The following FBXL15 variants were observed in gnomAD, a reference collection of about 807,000 sequenced individuals.
The protein encoded by FBXL15 is F-box and leucine rich repeat protein 15, also known as F-box/LRR-repeat protein 15.
A neutral mutation model predicts 23.6 loss-of-function variants in FBXL15; 19 were observed. The observed-to-expected ratio is 0.81, with a 90% CI of 0.56 to 1.18. The LOEUF (loss-of-function observed/expected upper bound fraction) is 1.18, where lower values mean the gene tolerates loss of function less well. Ranked by LOEUF, FBXL15 falls within the 50% of genes most tolerant of loss-of-function variation. FBXL15 has a pLI of 0.00. For missense variants in FBXL15, 385 were observed against 425.4 expected (o/e 0.91, Z 0.83); for synonymous variants, 224 against 207.7 (o/e 1.08, Z -0.67).
Position 102,421,469 on chromosome 10 carries a change from C to CTTCA in FBXL15, c.170_173dup (p.Leu59SerfsTer94). ...CCGGGCCTTCCGGTCGCTGGTGCAG[C>CTTCA]TTCACCTGGCCGGGCTGCGTCGCTT... On this transcript the variant is annotated frameshift_variant, in exon 2 of 4. Transcript: ENST00000369956. LOFTEE classifies it high-confidence loss of function. 1 of 1,510,916 alleles carries CTTCA rather than the reference C, an allele frequency of 6.6e-7. No homozygotes were observed. The highest frequency in any genetic ancestry group is 8.8e-7 in the Non-Finnish European group (1 of 1,132,896). 93.6% of individuals were successfully genotyped at this position (1,510,916 alleles called of 1,614,324 possible). A position where few individuals can be genotyped will look rare whatever the true frequency, so the allele number is the denominator to read the frequency against.
In FBXL15 at chr10:102,421,105, A is replaced by G. The variant is rs780368024; in HGVS notation, c.-25A>G. 17 of 1,599,770 alleles carry G rather than the reference A, an allele frequency of 1.1e-5. No individual in the cohort carries two copies. Among genetic ancestry groups the G allele is most frequent in the Non-Finnish European group, 1.7e-6 (2 of 1,173,030 alleles). ...TCCAAGGCCAAAGCGAGAAAATCTT[A>G]CTGCGCACGCGCAATAGACAGCCGA... On this transcript the variant is annotated 5_prime_UTR_variant, in exon 1 of 4. Coordinates refer to ENST00000369956, the MANE Select transcript of FBXL15 (RefSeq NM_024326.4).
chr10:102,421,361 G>A lies in FBXL15; in HGVS notation c.61G>A (p.Asp21Asn), dbSNP rs2061560341. The part of the protein sequence containing the change: ...EQEPGAVRFL[D>N]LPWEDVLLPH... The stretch of plus-strand genomic sequence containing the variant: ...ACGCCCCTTTACTCGCAGGTTCCTG[G>A]ACCTGCCCTGGGAAGACGTGCTGCT... The change falls in exon 2 of 4, where the codon GAC (aspartate) becomes AAC (asparagine). Residue 21 changes from aspartate to asparagine, a missense_variant. Physicochemically the swap from Asp to Asn is conservative, Grantham distance 23. This residue lies in a region of FBXL15 where 130 missense variants were observed against 95.1 expected (regional missense o/e 1.37). Transcript: ENST00000369956. The A allele has an allele frequency of 6.4e-7, 1 of 1,558,098 alleles. No homozygotes were observed. The highest frequency in any genetic ancestry group is 8.7e-7 in the Non-Finnish European group (1 of 1,152,310).
In FBXL15 at chr10:102,420,990, A is replaced by T. The variant is rs2061551312; in HGVS notation, c.-140A>T. 6.5e-7 allele frequency: 1 copy of T among 1,535,334 alleles called. No homozygotes were observed. The highest frequency in any genetic ancestry group is 2.5e-5 in the East Asian group (1 of 40,692). On this transcript the variant is annotated 5_prime_UTR_variant, in exon 1 of 4. Transcript: ENST00000369956. Reference sequence around the variant, plus strand: ...CCGCCTCCGTTTCGGGGTCCACCCGAAAAGCTTTCAGATCGGATCCTCGGT... The same window carrying T: ...CCGCCTCCGTTTCGGGGTCCACCCGTAAAGCTTTCAGATCGGATCCTCGGT...
Position 102,423,078 on chromosome 10 carries a change from G to A in FBXL15, c.*85G>A. On this transcript the variant is annotated 3_prime_UTR_variant, in exon 4 of 4. Transcript: ENST00000369956. The surrounding 1 kb of genome is among the most constrained non-coding windows in gnomAD (Gnocchi z 5.6). Reference sequence around the variant, plus strand: ...GGGAAACTGAACTGTGAGGACCTCTGGTGAGAGGCCAGTGCCCTGCCCCAC... The same window carrying A: ...GGGAAACTGAACTGTGAGGACCTCTAGTGAGAGGCCAGTGCCCTGCCCCAC... The A allele has an allele frequency of 7.3e-7, 1 of 1,374,176 alleles. No individual in the cohort carries two copies. The highest frequency in any genetic ancestry group is 9.8e-7 in the Non-Finnish European group (1 of 1,024,868). The allele number at this position is 1,374,176 out of a possible 1,614,324, so 85.1% of individuals were successfully genotyped here.
chr10:102,422,362 T>C, intron 3 of FBXL15, 70 bp downstream of exon 3: 5 of 1,421,164 alleles, frequency 3.5e-6, no homozygotes, highest in Non-Finnish European at 4.6e-6. Flanking sequence ...GGGCTGTAGT[T>C]GTTAAAAGGC....
At chr10:102,422,365 T>G in intron 3 of FBXL15, 73 bp downstream of exon 3, 2 of 1,412,026 alleles carry the variant, frequency 1.4e-6, no homozygotes, top group Non-Finnish European at 1.8e-6. Context: ...CTGTAGTTGT[T>G]AAAAGGCCGG....
In FBXL15 at chr10:102,421,374, A is replaced by G; in HGVS notation, c.74A>G (p.Glu25Gly). Residue 25 changes from glutamate (E) to glycine (G), a missense_variant, in exon 2 of 4, where the codon GAA (glutamate) becomes GGA (glycine). By Grantham distance (98) the Glu-to-Gly change is moderately conservative. This residue lies in a region of FBXL15 where 130 missense variants were observed against 95.1 expected (regional missense o/e 1.37). Transcript: ENST00000369956. ...GAVRFLDLPW[E>G]DVLLPHVLNR... ...CGCAGGTTCCTGGACCTGCCCTGGGAAGACGTGCTGCTCCCACACGTCCTG... is the reference window on the plus strand; with the variant it reads ...CGCAGGTTCCTGGACCTGCCCTGGGGAGACGTGCTGCTCCCACACGTCCTG... The G allele has an allele frequency of 6.4e-7, 1 of 1,563,128 alleles. No individual in the cohort carries two copies. Among genetic ancestry groups the G allele is most frequent in the Non-Finnish European group, 8.7e-7 (1 of 1,154,170 alleles).
chr10:102,422,928 C>G lies in FBXL15; in HGVS notation c.838C>G (p.His280Asp). Residue 280 changes from histidine to aspartate, a missense_variant, in exon 4 of 4, where the codon CAC (histidine) becomes GAC (aspartate). Transcript: ENST00000369956. ...GGACATCGACGTGGAGCCGCCGCTGCACCAGGCCCTGGTGCTGCTGCAGGA... is the reference window on the plus strand; with the variant it reads ...GGACATCGACGTGGAGCCGCCGCTGGACCAGGCCCTGGTGCTGCTGCAGGA... ...GVDIDVEPPL[H>D]QALVLLQDMA... is the part of the protein sequence containing the mutation. 1.9e-6 allele frequency: 3 copies of G among 1,608,048 alleles called. No homozygotes were observed. The highest frequency in any genetic ancestry group is 2.5e-6 in the Non-Finnish European group (3 of 1,177,616).
chr10:102,422,665 G>T, intron 3 of FBXL15, 139 bp from the exon 4 acceptor site: 1 of 918,514 alleles, frequency 1.1e-6, no homozygotes, highest in Non-Finnish European at 1.6e-6. Flanking sequence ...GACGGAAAAA[G>T]TATGCCCCTG....
chr10:102,422,265 G>A lies in FBXL15; in HGVS notation c.686G>A (p.Cys229Tyr). ...CTCCACCACCTTGACCTCACCGGCT[G>A]CCTCCGCGTCGGAAGCGACGGTGTC... is the stretch of plus-strand genomic sequence containing the variant. ...PELHHLDLTG[C>Y]LRVGSDGVRT... Residue 229 changes from cysteine to tyrosine, a missense_variant, in exon 3 of 4, where the codon TGC becomes TAC. Cys to Tyr is a radical substitution (Grantham distance 194, BLOSUM62 -2). Around this residue, in one of 2 missense-constraint regions of FBXL15, gnomAD observed 255 missense variants for 330.2 expected, o/e 0.77. Transcript: ENST00000369956. The A allele has an allele frequency of 6.7e-7, 1 of 1,495,118 alleles. No homozygotes were observed. The highest frequency in any genetic ancestry group is 8.9e-7 in the Non-Finnish European group (1 of 1,123,088). 92.6% of individuals were successfully genotyped at this position (1,495,118 alleles called of 1,614,324 possible).
intron 3 of FBXL15, 138 bp downstream of exon 3, chr10:102,422,430 G>A (rs756306179): frequency 3.3e-5 from 38 of 1,144,988 alleles, no homozygotes; most frequent in African/African-American, 4.9e-5. Flanking sequence ...TGAACAGAAA[G>A]GGCCTCTAGG....
Position 102,421,516 on chromosome 10 carries a change from G to C in FBXL15, c.207+9G>C. ...GCTTCGATGCCGCGCAGGTGAGCCG[G>C]GGGCTGAAGCCCCGCCCCTGCCTGG... On this transcript the variant is annotated intron_variant, in intron 2 of 3. Transcript: ENST00000369956. 1 of 1,456,296 alleles carries C rather than the reference G, an allele frequency of 6.9e-7. No homozygotes were observed. Among genetic ancestry groups the C allele is most frequent in the Non-Finnish European group, 9.0e-7 (1 of 1,106,998 alleles). 90.2% of individuals were successfully genotyped at this position (1,456,296 alleles called of 1,614,324 possible). A position where few individuals can be genotyped will look rare whatever the true frequency, so the allele number is the denominator to read the frequency against.
rs775269868 is a variant in FBXL15 at position 102,421,140 on chromosome 10, C to T, written c.11C>T (p.Pro4Leu). The change falls in exon 1 of 4, where the codon CCG becomes CTG. Residue 4 changes from proline to leucine, a missense_variant. Pro to Leu is a moderately conservative substitution (Grantham distance 98). This residue lies in a region of FBXL15 where 130 missense variants were observed against 95.1 expected (regional missense o/e 1.37). Transcript: ENST00000369956. MEP[P>L]MEPSGGEQEP... ...CGCAATAGACAGCCGATGGAGCCAC[C>T]GATGGAGCCGTCCGGAGGGGAGCAA... 10 of 1,610,832 alleles carry T rather than the reference C, an allele frequency of 6.2e-6. No homozygotes were observed. The highest frequency in any genetic ancestry group is 1.3e-5 in the African/African-American group (1 of 75,014).
intron 3 of FBXL15, 130 bp downstream of exon 3, chr10:102,422,422 A>T: frequency 3.4e-6 from 4 of 1,170,596 alleles, no homozygotes; most frequent in Non-Finnish European, 4.5e-6. Flanking sequence ...CCCCATTCTG[A>T]ACAGAAAGGG....
In FBXL15 at chr10:102,422,037, T is replaced by C; in HGVS notation, c.458T>C (p.Val153Ala). The C allele has an allele frequency of 6.3e-7, 1 of 1,594,824 alleles. No individual in the cohort carries two copies. Among genetic ancestry groups the C allele is most frequent in the Non-Finnish European group, 8.5e-7 (1 of 1,176,568 alleles). Residue 153 changes from valine to alanine, a missense_variant, in exon 3 of 4, where the codon GTG becomes GCG. Physicochemically the swap from Val to Ala is moderately conservative, Grantham distance 64. Coordinates refer to ENST00000369956, the MANE Select transcript of FBXL15 (RefSeq NM_024326.4). ...CTGTCGCTCGCGCACTGTGACTGGG[T>C]GGACGGGCTGGCGCTGCGCGGCCTC... is the stretch of plus-strand genomic sequence containing the variant. ...QRLSLAHCDW[V>A]DGLALRGLAD...
In FBXL15 at chr10:102,422,128, C is replaced by T. The variant is rs1292468757; in HGVS notation, c.549C>T (p.Ala183=). Residue 183 remains alanine (A), a synonymous_variant, in exon 3 of 4, where the codon GCC becomes GCT. Transcript: ENST00000369956. ...LTACRQLKDE[A]IVYLAQRRGA... is the part of the protein sequence containing the mutation. ...CCTGCCGCCAGCTCAAGGACGAGGC[C>T]ATCGTGTACCTGGCGCAGAGGCGCG... The T allele has an allele frequency of 1.3e-6, 2 of 1,557,100 alleles. No individual in the cohort carries two copies. The highest frequency in any genetic ancestry group is 1.7e-6 in the Non-Finnish European group (2 of 1,151,428).
Position 102,421,036 on chromosome 10 carries a change from A to T in FBXL15, c.-94A>T. The T allele has an allele frequency of 6.4e-7, 1 of 1,551,066 alleles. No individual in the cohort carries two copies. The highest frequency in any genetic ancestry group is 2.4e-5 in the East Asian group (1 of 41,052). On this transcript the variant is annotated 5_prime_UTR_variant, in exon 1 of 4. Coordinates refer to ENST00000369956, the MANE Select transcript of FBXL15 (RefSeq NM_024326.4). Reference sequence around the variant, plus strand: ...TCGGTGAGACGGCACTCGATTAAATAGGTCTGTCTCTACAGGCCAAGGAGG... The same window carrying T: ...TCGGTGAGACGGCACTCGATTAAATTGGTCTGTCTCTACAGGCCAAGGAGG...
At chr10:102,421,296 C>T in intron 1 of FBXL15, 58 bp from the exon 2 acceptor site, 1 of 1,556,260 alleles carries the variant, frequency 6.4e-7, no homozygotes, top group Non-Finnish European at 8.7e-7. Context: ...ATAACGGAGG[C>T]GGACTCGCAG....
rs962523399 is a variant in FBXL15 at position 102,421,677 on chromosome 10, G to A, written c.208-110G>A. 6.9e-6 allele frequency: 10 copies of A among 1,441,156 alleles called. No individual in the cohort carries two copies. In the African/African-American group the frequency reaches 1.3e-4, roughly 18 times the overall value. The allele number at this position is 1,441,156 out of a possible 1,614,324, so 89.3% of individuals were successfully genotyped here. On this transcript the variant is annotated intron_variant, in intron 2 of 3. Transcript: ENST00000369956. ...GGTAGCGACTCAGAGGGAAAGTGGG[G>A]TCTCTCCTGGGAGAGCAGGAGGCTG...
Sources: gnomAD v4.1 joint callset for allele counts on GRCh38, gnomAD v4.1.1 for gene constraint, gnomAD v4.1.1 regional missense constraint, Gnocchi (gnomAD v3.1) non-coding constraint, MANE v1.5 for transcripts, NCBI Gene and HGNC (gene_info 2026-07-23, HGNC 2026-07-21) for gene names.